Variants in RNF180 observed in about 807,000 individuals in gnomAD.
RNF180 encodes the protein ring finger protein 180, also known as E3 ubiquitin-protein ligase RNF180.
Under a neutral mutation model 59.2 loss-of-function variants are expected in RNF180, and 38 were observed. That is an observed-to-expected ratio of 0.64 (90% confidence interval 0.50 to 0.84). The LOEUF (loss-of-function observed/expected upper bound fraction) is 0.84, where lower values mean the gene tolerates loss of function less well. RNF180 is among the 40% of genes least tolerant of loss of function. The pLI is 0.00. For synonymous variants in RNF180, 262 were observed against 240.3 expected (o/e 1.09, Z -0.84); for missense variants, 705 against 700.9 (o/e 1.01, Z -0.07).
At chr5:64,284,540 C>A (rs535646729) in intron 5 of RNF180, among the ~76,000 whole-genome samples, 6 of 152,246 alleles carry the variant, frequency 3.9e-5, no homozygotes, top group South Asian at 4.2e-4. Flanking sequence ...AGGTTTTGTT[C>A]ATTATTTTTT....
intron 7 of RNF180, among the ~76,000 whole-genome samples, chr5:64,367,926 A>T (rs570852006): frequency 1.3e-5 from 2 of 151,838 alleles, no homozygotes; most frequent in Non-Finnish European, 3.0e-5. Context: ...GTCTTCAGAG[A>T]ATTGAATTTT....
intron 5 of RNF180, among the ~76,000 whole-genome samples, chr5:64,262,540 TG>T (rs1334825429): frequency 1.3e-5 from 2 of 152,150 alleles, no homozygotes; most frequent in African/African-American, 4.8e-5. Flanking sequence ...ATTTGAAATA[TG>T]TGTGATTTAC....
intron 7 of RNF180, among the ~76,000 whole-genome samples, chr5:64,361,494 TTCAATTCTTCAGA>T (rs1746251343): frequency 6.6e-6 from 1 of 151,580 alleles, no homozygotes; most frequent in African/African-American, 2.4e-5. Flanking sequence ...GGCACAAGAA[TTCAATTCTTCAGA>T]TTCCTTGAAG....
intron 5 of RNF180, among the ~76,000 whole-genome samples, chr5:64,239,728 A>G (rs1467584269): frequency 6.6e-6 from 1 of 152,138 alleles, no homozygotes; most frequent in African/African-American, 2.4e-5. Context: ...GCTAATAAAT[A>G]TATCTCCTTG....
intron 7 of RNF180, among the ~76,000 whole-genome samples, chr5:64,335,737 G>A (rs1745098423): frequency 6.6e-6 from 1 of 151,968 alleles, no homozygotes; most frequent in Admixed American, 6.6e-5. Flanking sequence ...GAGTGTCTTG[G>A]CCATTTTTTG....
chr5:64,184,382 T>C (rs986195240), intron 1 of RNF180, among the ~76,000 whole-genome samples: 69 of 152,316 alleles, frequency 4.5e-4, no homozygotes, highest in African/African-American at 1.6e-3. Context: ...ATCTTTTTTT[T>C]CTAATTGTTT....
intron 7 of RNF180, among the ~76,000 whole-genome samples, chr5:64,344,023 T>C (rs1315243686): frequency 1.3e-5 from 2 of 151,252 alleles, no homozygotes; most frequent in Non-Finnish European, 2.9e-5. Flanking sequence ...TTAGGATAAA[T>C]AGAAAGAAAA....
chr5:64,258,168 A>G (rs1744095739), intron 5 of RNF180, among the ~76,000 whole-genome samples: 1 of 152,202 alleles, frequency 6.6e-6, no homozygotes. Flanking sequence ...GACTAACCAC[A>G]TGTTCTTGTA....
intron 4 of RNF180, among the ~76,000 whole-genome samples, 179 bp from the exon 5 acceptor site, chr5:64,217,182 A>G (rs1752675414): frequency 1.3e-5 from 2 of 152,132 alleles, no homozygotes; most frequent in Non-Finnish European, 2.9e-5. Context: ...GTTTGCATAT[A>G]TTTATAGTTT....
intron 5 of RNF180, among the ~76,000 whole-genome samples, chr5:64,309,796 T>G (rs578212428): frequency 6.6e-6 from 1 of 151,710 alleles, no homozygotes; most frequent in South Asian, 2.1e-4. Context: ...ACTCAAACCT[T>G]TATATTTTAA....
chr5:64,328,321 A>G (rs1195270299), intron 6 of RNF180, among the ~76,000 whole-genome samples: 1 of 152,190 alleles, frequency 6.6e-6, no homozygotes, highest in Non-Finnish European at 1.5e-5. Context: ...AACTTCTTTC[A>G]CTTTCTTCAT....
intron 5 of RNF180, among the ~76,000 whole-genome samples, chr5:64,272,837 AAGT>A (rs1741495547): frequency 6.6e-6 from 1 of 152,052 alleles, no homozygotes; most frequent in Admixed American, 6.6e-5. Context: ...AGAAAATTAA[AAGT>A]AGTTTGGTTA....
intron 7 of RNF180, among the ~76,000 whole-genome samples, chr5:64,357,041 C>G (rs1746056265): frequency 6.6e-6 from 1 of 151,844 alleles, no homozygotes; most frequent in African/African-American, 2.4e-5. Context: ...CAATTCTTAC[C>G]TGGTTATTGA....
rs530588796 is a variant in RNF180 at position 64,254,031 on chromosome 5, A to G, written c.1227+36635A>G. ...CTAACTTCACATATATGTAATGATC[A>G]CCTAAACATTTGGATATCCTGAGCT... On this transcript the variant is annotated intron_variant, in intron 5 of 7. Coordinates refer to ENST00000389100, the MANE Select transcript of RNF180 (RefSeq NM_001113561.2). Among the ~76,000 whole-genome samples the G allele has an allele frequency of 3.9e-5, 6 of 152,242 alleles. No individual in the cohort carries two copies. In the South Asian group the frequency reaches 6.2e-4, roughly 16 times the overall value.
At chr5:64,323,591 TTTATA>T (rs1427700518) in intron 5 of RNF180, among the ~76,000 whole-genome samples, 4 of 152,134 alleles carry the variant, frequency 2.6e-5, no homozygotes, top group East Asian at 1.9e-4. Context: ...TATAGTATGT[TTTATA>T]TTATAAGCAC....
chr5:64,175,813 CTT>C (rs1240554007), intron 1 of RNF180, among the ~76,000 whole-genome samples: 2 of 152,092 alleles, frequency 1.3e-5, no homozygotes, highest in Non-Finnish European at 2.9e-5. Flanking sequence ...CAATAGAGAT[CTT>C]TCACATGCTT....
At chr5:64,356,588 A>G (rs1322126250) in intron 7 of RNF180, among the ~76,000 whole-genome samples, 1 of 151,906 alleles carries the variant, frequency 6.6e-6, no homozygotes, top group African/African-American at 2.4e-5. Flanking sequence ...AGCCAAAGGT[A>G]GAAACAACCT....
At chr5:64,338,939 T>C (rs984218426) in intron 7 of RNF180, among the ~76,000 whole-genome samples, 3 of 152,190 alleles carry the variant, frequency 2.0e-5, no homozygotes, top group Non-Finnish European at 4.4e-5. Context: ...TAATATTTTG[T>C]CTCAGAATTT....
chr5:64,319,708 G>A (rs538328513), intron 5 of RNF180, among the ~76,000 whole-genome samples: 8 of 152,356 alleles, frequency 5.3e-5, no homozygotes, highest in Non-Finnish European at 1.2e-4. Flanking sequence ...GCTCCTGAGA[G>A]TATTATCTGG....
Sources: gnomAD v4.1 joint callset for allele counts (sites outside exome capture counted in the v4.1 genomes callset) on GRCh38, gnomAD v4.1.1 for gene constraint, MANE v1.5 for transcripts, NCBI Gene and HGNC (gene_info 2026-07-23, HGNC 2026-07-21) for gene names.